Variants in CHLSN observed in about 807,000 individuals in gnomAD.
CHLSN encodes protein cholesin.
At chr7:1,015,828 C>T in the CHLSN span, among the ~76,000 whole-genome samples, 1 of 152,226 alleles carries the variant, frequency 6.6e-6, no homozygotes, top group African/African-American at 2.4e-5. Flanking sequence ...CACGGTGAAG[C>T]GAGGCCAAAG....
chr7:1,018,599 C>T, the CHLSN span, among the ~76,000 whole-genome samples: 1 of 152,172 alleles, frequency 6.6e-6, no homozygotes, highest in African/African-American at 2.4e-5. Flanking sequence ...CGGGTGGGGT[C>T]CAGCCCAGAG....
At chr7:1,004,409 C>T in the CHLSN span, among the ~76,000 whole-genome samples, 2 of 152,322 alleles carry the variant, frequency 1.3e-5, no homozygotes, top group African/African-American at 2.4e-5. Context: ...AGAGCCCACG[C>T]ACGGTGAGTC....
At chr7:1,016,816 C>T in the CHLSN span, among the ~76,000 whole-genome samples, 5 of 111,356 alleles carry the variant, frequency 4.5e-5, no homozygotes, top group Admixed American at 8.4e-5. Flanking sequence ...CACACACCAG[C>T]GCACAGCAGC....
the CHLSN span, among the ~76,000 whole-genome samples, chr7:1,017,246 CAG>C: frequency 6.6e-6 from 1 of 151,420 alleles, no homozygotes; most frequent in Non-Finnish European, 1.5e-5. Context: ...CACTGTCTCT[CAG>C]AGGGAAGATA....
chr7:1,075,637 G>A, the CHLSN span, among the ~76,000 whole-genome samples: 1 of 148,250 alleles, frequency 6.7e-6, no homozygotes, highest in Non-Finnish European at 1.5e-5. Flanking sequence ...GACAGAGTAG[G>A]AGTCTTGCTC....
At chr7:987,311 G>A in the CHLSN span, 2 of 1,535,802 alleles carry the variant, frequency 1.3e-6, no homozygotes, top group Non-Finnish European at 1.8e-6. Flanking sequence ...GACGAGGGAT[G>A]GCGCTGCCAC....
At chr7:988,569 T>TCCCCA in the CHLSN span, 1 of 1,594,524 alleles carries the variant, frequency 6.3e-7, no homozygotes, top group Admixed American at 1.7e-5. Flanking sequence ...CCTGGGGAGG[T>TCCCCA]CCCCACCCCT....
At chr7:1,108,039 C>G in the CHLSN span, among the ~76,000 whole-genome samples, 5 of 75,964 alleles carry the variant, frequency 6.6e-5, no homozygotes, top group Admixed American at 1.2e-4. Context: ...TCCCGCACCC[C>G]GGGGGGAAGC....
At chr7:1,062,861 C>T in the CHLSN span, among the ~76,000 whole-genome samples, 3 of 152,138 alleles carry the variant, frequency 2.0e-5, no homozygotes, top group Non-Finnish European at 4.4e-5. Context: ...GTGAACATGC[C>T]CATTTCACAT....
chr7:1,130,980 G>C, the CHLSN span, among the ~76,000 whole-genome samples: 3 of 152,176 alleles, frequency 2.0e-5, no homozygotes, highest in Admixed American at 2.0e-4. Context: ...TTGAGCCCAG[G>C]AGTTTGAGAC....
chr7:1,009,274 G>A, the CHLSN span, among the ~76,000 whole-genome samples: 1 of 152,196 alleles, frequency 6.6e-6, no homozygotes, highest in African/African-American at 2.4e-5. Context: ...TTGTCTCTGA[G>A]GAAGCCAGCC....
chr7:981,837 G>A, the CHLSN span, among the ~76,000 whole-genome samples: 1 of 152,184 alleles, frequency 6.6e-6, no homozygotes, highest in South Asian at 2.1e-4. Context: ...AGACCAGCCT[G>A]AGCAACGTAG....
chr7:1,081,368 G>A, the CHLSN span, among the ~76,000 whole-genome samples: 2 of 152,240 alleles, frequency 1.3e-5, no homozygotes, highest in African/African-American at 4.8e-5. Flanking sequence ...GTGGGGGAAG[G>A]GGAACCTGTC....
chr7:1,028,477 G>A, the CHLSN span: 1 of 985,340 alleles, frequency 1.0e-6, no homozygotes, highest in Non-Finnish European at 1.2e-6. Context: ...GAGAGCCGGG[G>A]CGGGGCCTCG....
the CHLSN span, among the ~76,000 whole-genome samples, chr7:1,118,343 C>T: frequency 1.3e-5 from 2 of 152,118 alleles, no homozygotes; most frequent in Non-Finnish European, 1.5e-5. Context: ...TTAAAAAACC[C>T]GATACAAGAG....
the CHLSN span, among the ~76,000 whole-genome samples, chr7:999,210 C>G: frequency 5.3e-5 from 8 of 152,178 alleles, no homozygotes; most frequent in African/African-American, 1.2e-4. Flanking sequence ...AATAAAACCA[C>G]GTAAACTTTG....
At chr7:1,028,304 AGG>A in the CHLSN span, 119 of 1,051,340 alleles carry the variant, frequency 1.1e-4, no homozygotes, top group Middle Eastern at 4.7e-4. Context: ...GCGCCGGGGC[AGG>A]GATGCGCCCG....
chr7:1,082,065 C>G, the CHLSN span: 1 of 152,278 alleles, frequency 6.6e-6, no homozygotes, highest in Non-Finnish European at 1.5e-5. Flanking sequence ...GCGCCTGCAG[C>G]TGACAGCCGC....
At chr7:1,013,829 A>G in the CHLSN span, among the ~76,000 whole-genome samples, 1 of 152,374 alleles carries the variant, frequency 6.6e-6, no homozygotes, top group Middle Eastern at 3.4e-3. Context: ...ACTTGATGAA[A>G]TACAGACACT....
Sources: allele counts gnomAD v4.1 joint callset (sites outside exome capture counted in the v4.1 genomes callset), GRCh38; gene constraint gnomAD v4.1.1; transcripts MANE v1.5; gene names NCBI Gene and HGNC (gene_info 2026-07-23, HGNC 2026-07-21).